Variants in PCDHB4 observed in about 807,000 individuals in gnomAD.
PCDHB4 encodes protocadherin beta-4.
For synonymous variants in PCDHB4, 482 were observed against 447.3 expected (o/e 1.08, Z -0.98); for missense variants, 1,063 against 1,007.0 (o/e 1.06, Z -0.75).
Position 141,124,454 on chromosome 5 carries a change from A to C in PCDHB4, c.*68A>C. ...ACTTCCCACTGCAATGCCTTTATTTAAAAAAATTGTCTACTTATCTAAATA... is the reference window on the plus strand; with the variant it reads ...ACTTCCCACTGCAATGCCTTTATTTCAAAAAATTGTCTACTTATCTAAATA... On this transcript the variant is annotated 3_prime_UTR_variant, in exon 1 of 1. Coordinates refer to ENST00000194152, the MANE Select transcript of PCDHB4 (RefSeq NM_018938.4). 4 of 1,301,596 alleles carry C rather than the reference A, an allele frequency of 3.1e-6. No individual in the cohort carries two copies. The highest frequency in any genetic ancestry group is 3.2e-6 in the Non-Finnish European group (3 of 949,582). The allele number at this position is 1,301,596 out of a possible 1,614,324, so 80.6% of individuals were successfully genotyped here. A position where few individuals can be genotyped will look rare whatever the true frequency, so the allele number is the denominator to read the frequency against.
In PCDHB4 at chr5:141,125,512, T is replaced by G. The variant is rs1752395714; in HGVS notation, c.*1126T>G. 1 of 152,218 alleles carries G rather than the reference T, an allele frequency of 6.6e-6. No individual in the cohort carries two copies. The highest frequency in any genetic ancestry group is 6.5e-5 in the Admixed American group (1 of 15,292). The allele number at this position is 152,218 out of a possible 1,614,324, so 9.4% of individuals were successfully genotyped here. A position where few individuals can be genotyped will look rare whatever the true frequency, so the allele number is the denominator to read the frequency against. ...ATTTGTTCTTTAAGGTAACCTTCAGTTATTTTGAATTAATTTAACTTCTCA... is the reference window on the plus strand; with the variant it reads ...ATTTGTTCTTTAAGGTAACCTTCAGGTATTTTGAATTAATTTAACTTCTCA... On this transcript the variant is annotated 3_prime_UTR_variant, in exon 1 of 1. Transcript: ENST00000194152.
At position 141,123,946 on chromosome 5, in the gene PCDHB4, C is replaced by G; in HGVS notation, c.1948C>G (p.Pro650Ala). 1 of 1,604,422 alleles carries G rather than the reference C, an allele frequency of 6.2e-7. No homozygotes were observed. The highest frequency in any genetic ancestry group is 1.3e-5 in the African/African-American group (1 of 74,996). ...GCTTGTCAAGGACAATGGCGAGCCT[C>G]CGCGCTCGGCCACCGCCACGCTGCA... ...VVLVKDNGEPPRSATATLHVL... is the reference protein window; with the variant it reads ...VVLVKDNGEPARSATATLHVL... The change falls in exon 1 of 1, where the codon CCG (proline) becomes GCG (alanine). Residue 650 changes from proline to alanine, a missense_variant. Transcript: ENST00000194152.
Position 141,123,076 on chromosome 5 carries a change from C to T in PCDHB4, c.1078C>T (p.Pro360Ser). 1 of 1,613,644 alleles carries T rather than the reference C, an allele frequency of 6.2e-7. No homozygotes were observed. Among genetic ancestry groups the T allele is most frequent in the Non-Finnish European group, 8.5e-7 (1 of 1,179,826 alleles). The part of the protein sequence containing the change: ...SLTSSIPENA[P>S]ETVVSIFRIR... ...CACCAGCTCCATCCCAGAAAATGCT[C>T]CTGAGACGGTAGTCTCTATCTTCCG... Residue 360 changes from proline (P) to serine (S), a missense_variant, in exon 1 of 1, where the codon CCT becomes TCT. Coordinates refer to ENST00000194152, the MANE Select transcript of PCDHB4 (RefSeq NM_018938.4).
Position 141,122,914 on chromosome 5 carries a change from T to A in PCDHB4, c.916T>A (p.Leu306Met), listed in dbSNP as rs1221553265. 6.2e-7 allele frequency: 1 copy of A among 1,605,440 alleles called. No individual in the cohort carries two copies. Reference sequence around the variant, plus strand: ...GGGAGAAATACTGTTGAAAAAAAAATTGGATTTCGAAAAAATTAAATCTTA... The same window carrying A: ...GGGAGAAATACTGTTGAAAAAAAAAATGGATTTCGAAAAAATTAAATCTTA... Reference protein sequence around the residue: ...VTGEILLKKKLDFEKIKSYHV... With the variant: ...VTGEILLKKKMDFEKIKSYHV... Residue 306 changes from leucine to methionine, a missense_variant, in exon 1 of 1, where the codon TTG (leucine) becomes ATG (methionine). Coordinates refer to ENST00000194152, the MANE Select transcript of PCDHB4 (RefSeq NM_018938.4).
At position 141,123,154 on chromosome 5, in the gene PCDHB4, G is replaced by C. The variant is rs1349217757; in HGVS notation, c.1156G>C (p.Asp386His). 3 of 1,614,000 alleles carry C rather than the reference G, an allele frequency of 1.9e-6. No homozygotes were observed. In the African/African-American group the frequency reaches 4.0e-5, roughly 22 times the overall value. Residue 386 changes from aspartate (D) to histidine (H), a missense_variant, in exon 1 of 1, where the codon GAT (aspartate) becomes CAT (histidine). Physicochemically the swap from Asp to His is moderately conservative, Grantham distance 81 (BLOSUM62 -1). Transcript: ENST00000194152. The part of the protein sequence containing the change: ...ENGKMICSIP[D>H]NLPFILKPTL... ...TGGAAAGATGATTTGCTCTATTCCA[G>C]ATAATCTACCGTTTATTCTAAAACC...
Position 141,123,811 on chromosome 5 carries a change from C to G in PCDHB4, c.1813C>G (p.Leu605Val), listed in dbSNP as rs1206378904. ...SGQNAWLSYQ[L>V]LKATEPGLFG... ...CCAGAACGCCTGGCTGTCGTACCAG[C>G]TGCTCAAGGCCACGGAGCCTGGGCT... is the stretch of plus-strand genomic sequence containing the variant. The change falls in exon 1 of 1, where the codon CTG (leucine) becomes GTG (valine). Residue 605 changes from leucine (L) to valine (V), a missense_variant. Coordinates refer to ENST00000194152, the MANE Select transcript of PCDHB4 (RefSeq NM_018938.4). The G allele has an allele frequency of 6.2e-7, 1 of 1,609,694 alleles. No homozygotes were observed. The highest frequency in any genetic ancestry group is 1.3e-5 in the African/African-American group (1 of 74,876).
In PCDHB4 at chr5:141,124,249, G is replaced by A. The variant is rs782620651; in HGVS notation, c.2251G>A (p.Glu751Lys). The A allele has an allele frequency of 6.2e-7, 1 of 1,614,188 alleles. No homozygotes were observed. Among genetic ancestry groups the A allele is most frequent in the South Asian group, 1.1e-5 (1 of 91,070 alleles). ...TGTLSQSYQY[E>K]VCLTGDSGTG... ...GACCCTGTCCCAGAGCTACCAGTACGAGGTGTGTCTGACAGGAGACTCTGG... is the reference window on the plus strand; with the variant it reads ...GACCCTGTCCCAGAGCTACCAGTACAAGGTGTGTCTGACAGGAGACTCTGG... The change falls in exon 1 of 1, where the codon GAG becomes AAG. Residue 751 changes from glutamate to lysine, a missense_variant. Glu to Lys is a moderately conservative substitution (Grantham distance 56). Coordinates refer to ENST00000194152, the MANE Select transcript of PCDHB4 (RefSeq NM_018938.4).
In PCDHB4 at chr5:141,121,959, G is replaced by T. The variant is rs782597356; in HGVS notation, c.-40G>T. The T allele has an allele frequency of 7.2e-7, 1 of 1,380,718 alleles. No homozygotes were observed. Among genetic ancestry groups the T allele is most frequent in the Non-Finnish European group, 9.9e-7 (1 of 1,010,250 alleles). 85.5% of individuals were successfully genotyped at this position (1,380,718 alleles called of 1,614,324 possible). A position where few individuals can be genotyped will look rare whatever the true frequency, so the allele number is the denominator to read the frequency against. On this transcript the variant is annotated 5_prime_UTR_variant, in exon 1 of 1. Coordinates refer to ENST00000194152, the MANE Select transcript of PCDHB4 (RefSeq NM_018938.4). ...AATTGAATGTCTCAAGTCTCGTTGC[G>T]GTTGCTGAGGGGATTGGATATAGGG... is the stretch of plus-strand genomic sequence containing the variant.
rs546115877 is a variant in PCDHB4 at position 141,123,467 on chromosome 5, T to C, written c.1469T>C (p.Leu490Pro). Residue 490 changes from leucine (L) to proline (P), a missense_variant, in exon 1 of 1, where the codon CTG becomes CCG. Physicochemically the swap from Leu to Pro is moderately conservative, Grantham distance 98 (BLOSUM62 -3). Transcript: ENST00000194152. ...GTNAQVTYSL[L>P]PPQDPHLPLA... Reference sequence around the variant, plus strand: ...AACGCCCAGGTCACCTACTCGCTGCTGCCGCCCCAGGACCCGCACCTGCCC... The same window carrying C: ...AACGCCCAGGTCACCTACTCGCTGCCGCCGCCCCAGGACCCGCACCTGCCC... The C allele has an allele frequency of 3.1e-6, 5 of 1,613,224 alleles. No individual in the cohort carries two copies. In the East Asian group the frequency reaches 6.7e-5, roughly 22 times the overall value.
chr5:141,123,022 A>T lies in PCDHB4; in HGVS notation c.1024A>T (p.Asn342Tyr). The change falls in exon 1 of 1, where the codon AAT (asparagine) becomes TAT (tyrosine). Residue 342 changes from asparagine to tyrosine, a missense_variant. Transcript: ENST00000194152. ...VVIEVVDVND[N>Y]PPELIISSLT... ...CATAGAGGTGGTGGATGTGAATGACAATCCCCCAGAACTTATCATATCTTC... is the reference window on the plus strand; with the variant it reads ...CATAGAGGTGGTGGATGTGAATGACTATCCCCCAGAACTTATCATATCTTC... 1 of 1,614,042 alleles carries T rather than the reference A, an allele frequency of 6.2e-7. No homozygotes were observed. Among genetic ancestry groups the T allele is most frequent in the South Asian group, 1.1e-5 (1 of 91,042 alleles).
rs1563855208 is a variant in PCDHB4 at position 141,122,438 on chromosome 5, CG to C, written c.443del (p.Gly148ValfsTer7). The C allele has an allele frequency of 6.2e-7, 1 of 1,614,178 alleles. No individual in the cohort carries two copies. The highest frequency in any genetic ancestry group is 8.5e-7 in the Non-Finnish European group (1 of 1,180,018). On this transcript the variant is annotated frameshift_variant, in exon 1 of 1. Coordinates refer to ENST00000194152, the MANE Select transcript of PCDHB4 (RefSeq NM_018938.4). LOFTEE classifies it low-confidence loss of function (END_TRUNC). ...VLLKILENSQPGTLFPLLIAE... is the reference protein window; with the variant it reads ...VLLKILENSQXGTLFPLLIAE... ...TTGAAAATACTAGAAAATAGCCAGC[CG>C]GGTACTCTATTTCCGTTGCTAATAG...
Position 141,124,186 on chromosome 5 carries a change from C to T in PCDHB4, c.2188C>T (p.Pro730Ser). 1.2e-6 allele frequency: 2 copies of T among 1,613,860 alleles called. No individual in the cohort carries two copies. Among genetic ancestry groups the T allele is most frequent in the Non-Finnish European group, 1.7e-6 (2 of 1,179,986 alleles). The change falls in exon 1 of 1, where the codon CCC (proline) becomes TCC (serine). Residue 730 changes from proline (P) to serine (S), a missense_variant. Physicochemically the swap from Pro to Ser is moderately conservative, Grantham distance 74. Transcript: ENST00000194152. ...SVGRCSVPEG[P>S]FPGHLVDVSG... is the part of the protein sequence containing the mutation. ...GGGTCGCTGCTCGGTGCCCGAGGGC[C>T]CCTTTCCAGGGCATCTGGTGGACGT...
Position 141,122,609 on chromosome 5 carries a change from A to T in PCDHB4, c.611A>T (p.Gln204Leu). Residue 204 changes from glutamine (Q) to leucine (L), a missense_variant, in exon 1 of 1, where the codon CAG (glutamine) becomes CTG (leucine). By Grantham distance (113) the Gln-to-Leu change is moderately radical (BLOSUM62 -2). Transcript: ENST00000194152. ...VQDKPLDREE[Q>L]PEFSLTLVAL... ...GACAAACCACTGGATCGAGAGGAGCAGCCTGAGTTCAGCTTAACCCTCGTG... is the reference window on the plus strand; with the variant it reads ...GACAAACCACTGGATCGAGAGGAGCTGCCTGAGTTCAGCTTAACCCTCGTG... The T allele has an allele frequency of 6.2e-7, 1 of 1,614,230 alleles. No homozygotes were observed. The highest frequency in any genetic ancestry group is 8.5e-7 in the Non-Finnish European group (1 of 1,180,038).
chr5:141,122,291 T>C lies in PCDHB4; in HGVS notation c.293T>C (p.Ile98Thr), dbSNP rs782641478. The part of the protein sequence containing the change: ...KLDREELCGP[I>T]EPCVLHFQVF... ...GACCGGGAAGAGCTCTGTGGTCCTA[T>C]TGAACCGTGTGTACTGCATTTCCAA... Residue 98 changes from isoleucine to threonine, a missense_variant, in exon 1 of 1, where the codon ATT becomes ACT. By Grantham distance (89) the Ile-to-Thr change is moderately conservative. Transcript: ENST00000194152. The C allele has an allele frequency of 2.5e-6, 4 of 1,614,052 alleles. No homozygotes were observed. Among genetic ancestry groups the C allele is most frequent in the East Asian group, 2.2e-5 (1 of 44,882 alleles).
rs1752396154 is a variant in PCDHB4 at position 141,125,555 on chromosome 5, C to T, written c.*1169C>T. ...ACTTCTCAATTATGCCAAAGTTGCA[C>T]TTGCATGAAATAAATATTATTTTGT... On this transcript the variant is annotated 3_prime_UTR_variant, in exon 1 of 1. Transcript: ENST00000194152. The T allele has an allele frequency of 6.6e-6, 1 of 152,126 alleles. No homozygotes were observed. Among genetic ancestry groups the T allele is most frequent in the South Asian group, 2.1e-4 (1 of 4,826 alleles). The allele number at this position is 152,126 out of a possible 1,614,324, so 9.4% of individuals were successfully genotyped here. A position where few individuals can be genotyped will look rare whatever the true frequency, so the allele number is the denominator to read the frequency against.
chr5:141,123,499 T>C lies in PCDHB4; in HGVS notation c.1501T>C (p.Ser501Pro). Residue 501 changes from serine (S) to proline (P), a missense_variant, in exon 1 of 1, where the codon TCC becomes CCC. Coordinates refer to ENST00000194152, the MANE Select transcript of PCDHB4 (RefSeq NM_018938.4). ...PPQDPHLPLA[S>P]LVSINADNGH... ...CCAGGACCCGCACCTGCCCCTCGCC[T>C]CCCTGGTCTCCATCAACGCAGACAA... 6.2e-7 allele frequency: 1 copy of C among 1,613,306 alleles called. No individual in the cohort carries two copies. The highest frequency in any genetic ancestry group is 1.7e-5 in the Admixed American group (1 of 60,028).
At position 141,121,932 on chromosome 5, in the gene PCDHB4, G is replaced by A; in HGVS notation, c.-67G>A. On this transcript the variant is annotated 5_prime_UTR_variant, in exon 1 of 1. Transcript: ENST00000194152. ...TGACGATTCCTCCAAGCAAGAAATT[G>A]GAATTGAATGTCTCAAGTCTCGTTG... 1 of 1,117,280 alleles carries A rather than the reference G, an allele frequency of 9.0e-7. No individual in the cohort carries two copies. The highest frequency in any genetic ancestry group is 1.3e-6 in the Non-Finnish European group (1 of 776,638). The allele number at this position is 1,117,280 out of a possible 1,614,324, so 69.2% of individuals were successfully genotyped here. A position where few individuals can be genotyped will look rare whatever the true frequency, so the allele number is the denominator to read the frequency against.
rs981200747 is a variant in PCDHB4 at position 141,122,290 on chromosome 5, A to G, written c.292A>G (p.Ile98Val). 1.9e-6 allele frequency: 3 copies of G among 1,614,052 alleles called. No individual in the cohort carries two copies. The highest frequency in any genetic ancestry group is 2.5e-6 in the Non-Finnish European group (3 of 1,180,040). Residue 98 changes from isoleucine (I) to valine (V), a missense_variant, in exon 1 of 1, where the codon ATT becomes GTT. Transcript: ENST00000194152. ...KLDREELCGP[I>V]EPCVLHFQVF... ...AGACCGGGAAGAGCTCTGTGGTCCT[A>G]TTGAACCGTGTGTACTGCATTTCCA... is the stretch of plus-strand genomic sequence containing the variant.
rs4143454 is a variant in PCDHB4 at position 141,124,230 on chromosome 5, G to T, written c.2232G>T (p.Leu744=). 3 of 1,614,176 alleles carry T rather than the reference G, an allele frequency of 1.9e-6. No homozygotes were observed. The highest frequency in any genetic ancestry group is 1.1e-5 in the South Asian group (1 of 91,072). Reference sequence around the variant, plus strand: ...TGGACGTAAGCGGCACCGGGACCCTGTCCCAGAGCTACCAGTACGAGGTGT... The same window carrying T: ...TGGACGTAAGCGGCACCGGGACCCTTTCCCAGAGCTACCAGTACGAGGTGT... ...HLVDVSGTGT[L]SQSYQYEVCL... is the part of the protein sequence containing the mutation. The change falls in exon 1 of 1, where the codon CTG becomes CTT. Residue 744 remains leucine (L), a synonymous_variant. Coordinates refer to ENST00000194152, the MANE Select transcript of PCDHB4 (RefSeq NM_018938.4).
Sources: allele counts gnomAD v4.1 joint callset, GRCh38; gene constraint gnomAD v4.1.1; transcripts MANE v1.5; gene names NCBI Gene and HGNC (gene_info 2026-07-23, HGNC 2026-07-21).